The following MAGI2 variants were observed in gnomAD, a reference collection of about 807,000 sequenced individuals.
MAGI2 encodes membrane associated guanylate kinase, WW and PDZ domain containing 2, also known as membrane-associated guanylate kinase, WW and PDZ domain-containing protein 2.
A neutral mutation model predicts 133.3 loss-of-function variants in MAGI2; 35 were observed. That is an observed-to-expected ratio of 0.26 (90% CI 0.20 to 0.35). The LOEUF (loss-of-function observed/expected upper bound fraction) is 0.35. Among genes scored for constraint, MAGI2 ranks in the 10% least tolerant of loss-of-function variants. MAGI2 has a pLI of 1.00. For missense variants in MAGI2, 1,636 were observed against 1,863.4 expected (o/e 0.88, Z 2.25); for synonymous variants, 729 against 710.6 (o/e 1.03, Z -0.41).
chr7:78,975,339 A>G (rs2116062965), intron 2 of MAGI2, among the ~76,000 whole-genome samples: 1 of 151,910 alleles, frequency 6.6e-6, no homozygotes, highest in African/African-American at 2.4e-5. Flanking sequence ...TCAGATCACC[A>G]AGAAATTAAT....
intron 11 of MAGI2, among the ~76,000 whole-genome samples, chr7:78,195,621 T>G (rs1829991): frequency 6.6e-6 from 1 of 152,258 alleles, no homozygotes; most frequent in African/African-American, 2.4e-5. Flanking sequence ...TTCAAAGTCT[T>G]CTAGGAAGCC....
At chr7:78,766,004 A>G (rs2525808) in intron 2 of MAGI2, among the ~76,000 whole-genome samples, 136,614 of 152,236 alleles carry the variant, frequency 0.9, 61,380 homozygotes, top group East Asian at 1. Flanking sequence ...AAGGCTCTTC[A>G]TAAACAGCTG....
At chr7:78,882,596 T>C (rs10260996) in intron 2 of MAGI2, among the ~76,000 whole-genome samples, 55,467 of 151,906 alleles carry the variant, frequency 0.37, 10,392 homozygotes, top group East Asian at 0.51. Flanking sequence ...CTAAAGAATA[T>C]TGATGCAAAA....
At chr7:78,284,194 C>T (rs943551927) in intron 9 of MAGI2, among the ~76,000 whole-genome samples, 1 of 152,062 alleles carries the variant, frequency 6.6e-6, no homozygotes, top group South Asian at 2.1e-4. Flanking sequence ...CCAGTTTACA[C>T]CTGAAATGGC....
At chr7:78,216,014 T>C (rs1482199523) in intron 10 of MAGI2, among the ~76,000 whole-genome samples, 1 of 152,154 alleles carries the variant, frequency 6.6e-6, no homozygotes, top group East Asian at 1.9e-4. Context: ...AAAAATGAAA[T>C]AGTCATAGTA....
chr7:79,109,844 G>A (rs1367004735), intron 1 of MAGI2, among the ~76,000 whole-genome samples: 1 of 151,674 alleles, frequency 6.6e-6, no homozygotes, highest in Non-Finnish European at 1.5e-5. Context: ...TCTAGGTGGA[G>A]GCCACCAAGC....
chr7:78,946,626 G>C (rs1273300969), intron 2 of MAGI2: 1 of 152,154 alleles, frequency 6.6e-6, no homozygotes, highest in African/African-American at 2.4e-5. Context: ...ATGCACCTTA[G>C]AGGTGGGTAT....
chr7:78,724,088 G>A (rs1157049351), intron 2 of MAGI2, among the ~76,000 whole-genome samples: 2 of 152,156 alleles, frequency 1.3e-5, no homozygotes, highest in Non-Finnish European at 2.9e-5. Flanking sequence ...GGCTTTAATT[G>A]GGTGCTGTAG....
In MAGI2 at chr7:79,262,639, C is replaced by A. The variant is rs372846551; in HGVS notation, c.301+190381G>T. The stretch of plus-strand genomic sequence containing the variant: ...GCAAAGAATAGATGGAAAGTATCAC[C>A]ACATTACAAAGTGAGTTGCTAGACC... On this transcript the variant is annotated intron_variant, in intron 1 of 21. Transcript: ENST00000354212. 1.1e-4 allele frequency among the ~76,000 whole-genome samples: 17 copies of A among 152,190 alleles called. No individual in the cohort carries two copies. The South Asian group carries it at 3.3e-3, about 30-fold the overall frequency.
chr7:79,389,114 T>C (rs1176395770), intron 1 of MAGI2, among the ~76,000 whole-genome samples: 1 of 151,994 alleles, frequency 6.6e-6, no homozygotes, highest in Non-Finnish European at 1.5e-5. Flanking sequence ...CATAATTGTA[T>C]TGATTAAGTA....
chr7:78,968,386 G>A (rs570753724), intron 2 of MAGI2, among the ~76,000 whole-genome samples: 18 of 150,416 alleles, frequency 1.2e-4, no homozygotes, highest in Admixed American at 8.6e-4. Context: ...CTATGAAGAT[G>A]TCTTTCCATT....
At chr7:78,084,608 G>T (rs930437004) in intron 20 of MAGI2, among the ~76,000 whole-genome samples, 1 of 152,160 alleles carries the variant, frequency 6.6e-6, no homozygotes, top group African/African-American at 2.4e-5. Flanking sequence ...CTTCAGTACT[G>T]GTGACCTACA....
intron 1 of MAGI2, among the ~76,000 whole-genome samples, chr7:79,199,418 A>C (rs1019072817): frequency 1.3e-5 from 2 of 152,036 alleles, no homozygotes; most frequent in African/African-American, 4.8e-5. Flanking sequence ...GTAATTCTTC[A>C]TGACTCTCTG....
At chr7:79,298,344 A>T (rs1014062353) in intron 1 of MAGI2, among the ~76,000 whole-genome samples, 1 of 152,176 alleles carries the variant, frequency 6.6e-6, no homozygotes, top group African/African-American at 2.4e-5. Flanking sequence ...AAACAGTTCC[A>T]TCAAGTGTCA....
At position 78,963,957 on chromosome 7, in the gene MAGI2, A is replaced by T. The variant is rs556454409; in HGVS notation, c.418+43133T>A. Among the ~76,000 whole-genome samples the T allele has an allele frequency of 3.9e-3, 599 of 152,086 alleles. 8 individuals are homozygous for T. Among genetic ancestry groups the T allele is most frequent in the African/African-American group, 0.014 (567 of 41,526 alleles). On this transcript the variant is annotated intron_variant, in intron 2 of 21. Coordinates refer to ENST00000354212, the MANE Select transcript of MAGI2 (RefSeq NM_012301.4). ...CACAGAGGCCATGATGTGTCTCATT[A>T]GCTCAGAGATTATGAGTCTGTTTGG... is the stretch of plus-strand genomic sequence containing the variant.
At chr7:78,977,089 G>A (rs1013442645) in intron 2 of MAGI2, among the ~76,000 whole-genome samples, 3 of 151,448 alleles carry the variant, frequency 2.0e-5, no homozygotes, top group African/African-American at 4.8e-5. Context: ...TTAAGAAAAT[G>A]TTTCTAAAAT....
chr7:79,441,241 A>C (rs2129197141), intron 1 of MAGI2, among the ~76,000 whole-genome samples: 1 of 152,338 alleles, frequency 6.6e-6, no homozygotes, highest in African/African-American at 2.4e-5. Context: ...AGGAGGAGAA[A>C]AAATACATTC....
chr7:78,288,640 C>T (rs1290953778), intron 9 of MAGI2, among the ~76,000 whole-genome samples: 1 of 152,214 alleles, frequency 6.6e-6, no homozygotes, highest in Non-Finnish European at 1.5e-5. Context: ...TGAGACTGGG[C>T]AGACTGCCTC....
intron 1 of MAGI2, among the ~76,000 whole-genome samples, chr7:79,399,545 G>T (rs10260696): frequency 0.15 from 22,658 of 151,996 alleles, 1,914 homozygotes; most frequent in African/African-American, 0.22. Flanking sequence ...TATAGGAAAT[G>T]CACACCCTAG....
Sources: allele counts gnomAD v4.1 joint callset (sites outside exome capture counted in the v4.1 genomes callset), GRCh38; gene constraint gnomAD v4.1.1; transcripts MANE v1.5; gene names NCBI Gene and HGNC (gene_info 2026-07-23, HGNC 2026-07-21).